Variants in VRK2 observed in about 807,000 individuals in gnomAD.
VRK2 encodes the protein serine/threonine-protein kinase VRK2.
In VRK2, 60 loss-of-function variants were observed where a neutral mutation model predicts 57.6. The ratio of observed to expected loss-of-function variants is 1.04; its 90% CI spans 0.85 to 1.29. The LOEUF (loss-of-function observed/expected upper bound fraction) is 1.29, where lower values mean the gene tolerates loss of function less well. Ranked by LOEUF, VRK2 falls within the 50% of genes most tolerant of loss-of-function variation. The pLI is 0.00. For missense variants in VRK2, 705 were observed against 588.1 expected (o/e 1.20, Z -2.06); for synonymous variants, 231 against 199.2 (o/e 1.16, Z -1.35).
At chr2:57,909,750 TCTAA>T (rs1300618708) in intron 1 of VRK2, among the ~76,000 whole-genome samples, 1 of 152,200 alleles carries the variant, frequency 6.6e-6, no homozygotes, top group Non-Finnish European at 1.5e-5. Context: ...ATAAATTCCT[TCTAA>T]CTCTTAATAG....
chr2:58,099,440 CT>C (rs752934586), intron 7 of VRK2, among the ~76,000 whole-genome samples: 9 of 152,034 alleles, frequency 5.9e-5, no homozygotes, highest in Non-Finnish European at 8.8e-5. Context: ...CTGAGATATA[CT>C]TCTTTTATAT....
At chr2:58,116,606 C>G in intron 7 of VRK2, among the ~76,000 whole-genome samples, 1 of 152,026 alleles carries the variant, frequency 6.6e-6, no homozygotes, top group East Asian at 1.9e-4. Context: ...CGGACTTACC[C>G]TCCACTCTGA....
chr2:58,035,389 T>A (rs1674242992), intron 3 of VRK2, among the ~76,000 whole-genome samples: 1 of 152,030 alleles, frequency 6.6e-6, no homozygotes, highest in African/African-American at 2.4e-5. Flanking sequence ...TATCTATTTA[T>A]TAGTTTATTT....
intron 1 of VRK2, among the ~76,000 whole-genome samples, chr2:58,012,481 G>A (rs1275133864): frequency 1.3e-5 from 2 of 152,030 alleles, no homozygotes; most frequent in African/African-American, 4.8e-5. Context: ...TTTTTTTTAA[G>A]GCTTTATTTA....
At chr2:58,027,375 A>C (rs1410584894) in intron 2 of VRK2, among the ~76,000 whole-genome samples, 1 of 152,210 alleles carries the variant, frequency 6.6e-6, no homozygotes, top group East Asian at 1.9e-4. Flanking sequence ...AGTGGTAAGA[A>C]GACTTCTATG....
intron 7 of VRK2, among the ~76,000 whole-genome samples, chr2:58,103,874 T>C (rs1674371546): frequency 6.6e-6 from 1 of 151,690 alleles, no homozygotes; most frequent in South Asian, 2.1e-4. Context: ...AATCCCACAG[T>C]GCATTAAAAA....
intron 1 of VRK2, among the ~76,000 whole-genome samples, chr2:57,929,812 G>T (rs1344253421): frequency 6.6e-6 from 1 of 152,096 alleles, no homozygotes; most frequent in Non-Finnish European, 1.5e-5. Flanking sequence ...TCACTTCAAG[G>T]CAATGGGTTC....
At chr2:57,991,502 G>T (rs886940411) in intron 1 of VRK2, among the ~76,000 whole-genome samples, 2 of 152,072 alleles carry the variant, frequency 1.3e-5, no homozygotes, top group African/African-American at 4.8e-5. Flanking sequence ...AAAGTCTAAG[G>T]GAAGTAGAGT....
chr2:57,996,959 A>G (rs1331238775), intron 1 of VRK2, among the ~76,000 whole-genome samples: 1 of 151,984 alleles, frequency 6.6e-6, no homozygotes, highest in Non-Finnish European at 1.5e-5. Flanking sequence ...GATTCATTCA[A>G]TAGGTAGAAT....
chr2:57,909,612 T>C (rs1488186577), intron 1 of VRK2, among the ~76,000 whole-genome samples: 2 of 152,152 alleles, frequency 1.3e-5, no homozygotes, highest in Non-Finnish European at 2.9e-5. Flanking sequence ...GAGAAATAAT[T>C]ATCCTTTGGT....
chr2:57,960,600 T>C (rs867470328), intron 1 of VRK2, among the ~76,000 whole-genome samples: 21 of 152,240 alleles, frequency 1.4e-4, no homozygotes, highest in Admixed American at 1.3e-4. Flanking sequence ...ATATCTATGG[T>C]CATGAGTGAG....
At chr2:58,133,633 CT>C (rs1333166778) in intron 9 of VRK2, among the ~76,000 whole-genome samples, 6 of 152,190 alleles carry the variant, frequency 3.9e-5, no homozygotes, top group Non-Finnish European at 8.8e-5. Context: ...TGGTGACTCA[CT>C]CACACATATA....
At chr2:58,152,946 C>T (rs1683277346) in intron 12 of VRK2, among the ~76,000 whole-genome samples, 1 of 151,858 alleles carries the variant, frequency 6.6e-6, no homozygotes, top group Non-Finnish European at 1.5e-5. Flanking sequence ...TTGACATGTA[C>T]TCGTGCATGT....
chr2:58,048,482 T>A (rs1675207390), intron 1 of VRK2: 4 of 1,099,600 alleles, frequency 3.6e-6, no homozygotes, highest in Non-Finnish European at 4.8e-6. Flanking sequence ...ACATGAAATT[T>A]ATTTTCTTTC....
chr2:57,964,507 T>C (rs964937640), intron 1 of VRK2, among the ~76,000 whole-genome samples: 4 of 151,892 alleles, frequency 2.6e-5, no homozygotes, highest in African/African-American at 7.3e-5. Flanking sequence ...GCAATTTGTA[T>C]TGAAAAAAAA....
chr2:58,021,964 A>G (rs1307161797), intron 1 of VRK2, among the ~76,000 whole-genome samples: 11 of 152,218 alleles, frequency 7.2e-5, no homozygotes, highest in Admixed American at 7.2e-4. Context: ...GTCCACTTGA[A>G]ACCCTTAATC....
At chr2:57,963,322 A>T (rs1351916395) in intron 1 of VRK2, among the ~76,000 whole-genome samples, 1 of 152,198 alleles carries the variant, frequency 6.6e-6, no homozygotes, top group East Asian at 1.9e-4. Context: ...TGTGCTATTC[A>T]TTCCCTCTCA....
intron 1 of VRK2, among the ~76,000 whole-genome samples, chr2:57,960,938 C>G (rs776166499): frequency 1.6e-4 from 24 of 152,206 alleles, no homozygotes; most frequent in Non-Finnish European, 1.5e-4. Flanking sequence ...GTTACCAGCT[C>G]TTCCACTGGG....
At chr2:57,954,928 T>C (rs1472897340) in intron 1 of VRK2, among the ~76,000 whole-genome samples, 1 of 152,192 alleles carries the variant, frequency 6.6e-6, no homozygotes, top group Non-Finnish European at 1.5e-5. Context: ...CTGGAAATTA[T>C]GTAGATTATT....
Sources: gnomAD v4.1 joint callset for allele counts (sites outside exome capture counted in the v4.1 genomes callset) on GRCh38, gnomAD v4.1.1 for gene constraint, MANE v1.5 for transcripts, NCBI Gene and HGNC (gene_info 2026-07-23, HGNC 2026-07-21) for gene names.